NCAPH2: variants seen among roughly 807,000 people sequenced by gnomAD.
The protein encoded by NCAPH2 is condensin-2 complex subunit H2.
In NCAPH2, 56 loss-of-function variants were observed where a neutral mutation model predicts 88.6. The observed-to-expected ratio is 0.63, with a 90% CI of 0.51 to 0.79. The LOEUF is 0.79. NCAPH2 is among the 30% of genes least tolerant of loss of function. NCAPH2 has a pLI of 0.00. For synonymous variants in NCAPH2, 378 were observed against 313.6 expected (o/e 1.21, Z -2.17); for missense variants, 794 against 792.0 (o/e 1.00, Z -0.03).
chr22:50,516,095 T>G (rs1437855197), intron 1 of NCAPH2, among the ~76,000 whole-genome samples: 1 of 152,180 alleles, frequency 6.6e-6, no homozygotes, highest in Non-Finnish European at 1.5e-5. Context: ...TCTCTGCCTT[T>G]CCTACCCCTG....
intron 1 of NCAPH2, among the ~76,000 whole-genome samples, chr22:50,512,746 G>C (rs534799266): frequency 6.6e-6 from 1 of 151,912 alleles, no homozygotes; most frequent in South Asian, 2.1e-4. Flanking sequence ...GGGTGTCACT[G>C]TGTTGCCCAG....
chr22:50,519,074 C>G, intron 8 of NCAPH2, 116 bp from the exon 9 acceptor site: 1 of 1,064,630 alleles, frequency 9.4e-7, no homozygotes, highest in Non-Finnish European at 1.3e-6. Flanking sequence ...AGGCACCCGC[C>G]AAATCCTCTG....
chr22:50,517,840 G>T, intron 5 of NCAPH2, 31 bp downstream of exon 5: 2 of 1,611,888 alleles, frequency 1.2e-6, no homozygotes, highest in Non-Finnish European at 8.5e-7. Flanking sequence ...TCTTAGGCTG[G>T]GGTGAGGTCA....
chr22:50,511,647 A>AT (rs131821), intron 1 of NCAPH2, among the ~76,000 whole-genome samples: 38,689 of 127,552 alleles, frequency 0.3, 6,997 homozygotes, highest in Non-Finnish European at 0.38. Flanking sequence ...CGCCTGGCTA[A>AT]TTTTTTTTTT....
rs1013099927 is a variant in NCAPH2, at chr22:50,516,509, G to A, written c.171G>A (p.Ala57=). 2.5e-6 allele frequency: 4 copies of A among 1,614,080 alleles called. No homozygotes were observed. The highest frequency in any genetic ancestry group is 2.2e-5 in the South Asian group (2 of 91,086). ...CCACAATGAACTTCATTGAGGCAGC[G>A]TTGTTGATCCAGGGCTCTGCCTGCG... ...GKTTMNFIEA[A]LLIQGSACVY... Residue 57 remains alanine (A), a synonymous_variant, in exon 2 of 20, where the codon GCG becomes GCA. Coordinates refer to ENST00000420993, the MANE Select transcript of NCAPH2 (RefSeq NM_152299.4).
rs1292947887 is a variant in NCAPH2 at position 50,522,270 on chromosome 22, G to C, written c.1233+19G>C. The C allele has an allele frequency of 1.2e-6, 2 of 1,612,488 alleles. No individual in the cohort carries two copies. Among genetic ancestry groups the C allele is most frequent in the South Asian group, 2.2e-5 (2 of 90,818 alleles). ...GAGGGAGGCAAGTCCCAGCTGGTCA[G>C]CTGTGATCTAGGACCCCGTGGTGGC... On this transcript the variant is annotated intron_variant, in intron 14 of 19. Coordinates refer to ENST00000420993, the MANE Select transcript of NCAPH2 (RefSeq NM_152299.4).
Position 50,517,670 on chromosome 22 carries a change from C to T in NCAPH2, c.351+9C>T, listed in dbSNP as rs1174552506. The T allele has an allele frequency of 1.9e-6, 3 of 1,614,152 alleles. No individual in the cohort carries two copies. Among genetic ancestry groups the T allele is most frequent in the Non-Finnish European group, 2.5e-6 (3 of 1,180,028 alleles). On this transcript the variant is annotated intron_variant, in intron 4 of 19. Transcript: ENST00000420993. ...AGGAGGCAGAGAATGAGGTGAGTTT[C>T]TTTGGCATGTGGTCCCCGCCCACTG...
rs1478330729 is a variant in NCAPH2 at position 50,524,488 on chromosome 22, C to A, written c.*1113C>A. 2.0e-6 allele frequency: 3 copies of A among 1,492,858 alleles called. No individual in the cohort carries two copies. Among genetic ancestry groups the A allele is most frequent in the Non-Finnish European group, 2.8e-6 (3 of 1,084,162 alleles). 92.5% of individuals were successfully genotyped at this position (1,492,858 alleles called of 1,614,324 possible). ...GCCCAGGACAGTGCCTGGGCTGCCC[C>A]TGCGACTTGAGACCAGCCACCCATC... On this transcript the variant is annotated 3_prime_UTR_variant, in exon 20 of 20. Transcript: ENST00000420993.
chr22:50,512,748 G>T (rs1429835540), intron 1 of NCAPH2, among the ~76,000 whole-genome samples: 5 of 152,014 alleles, frequency 3.3e-5, no homozygotes, highest in African/African-American at 1.2e-4. Flanking sequence ...GTGTCACTGT[G>T]TTGCCCAGGC....
chr22:50,511,307 T>TTTTTTTTTTTG (rs1245636441), intron 1 of NCAPH2, among the ~76,000 whole-genome samples: 1 of 145,160 alleles, frequency 6.9e-6, no homozygotes, highest in African/African-American at 2.7e-5. Context: ...TTTTTTTTTT[T>TTTTTTTTTTTG]GAGACGGAGT....
At chr22:50,519,604 C>A in intron 9 of NCAPH2, 1 of 1,228,050 alleles carries the variant, frequency 8.1e-7, no homozygotes, top group Non-Finnish European at 1.0e-6. Context: ...GGGATGGCCG[C>A]CGGTTGCCAA....
rs748495941 is a variant in NCAPH2 at position 50,524,665 on chromosome 22, C to CCCTGCA, written c.*1300_*1305dup. On this transcript the variant is annotated 3_prime_UTR_variant, in exon 20 of 20. Coordinates refer to ENST00000420993, the MANE Select transcript of NCAPH2 (RefSeq NM_152299.4). ...ATCACCAGCCTGTCACCGCACCCTG[C>CCCTGCA]CCTGCACCTGCACCTCAGCAAGGTG... 62 of 688,712 alleles carry CCCTGCA rather than the reference C, an allele frequency of 9.0e-5. No individual in the cohort carries two copies. Among genetic ancestry groups the CCCTGCA allele is most frequent in the Non-Finnish European group, 1.4e-4 (52 of 366,880 alleles). The allele number at this position is 688,712 out of a possible 1,614,324, so 42.7% of individuals were successfully genotyped here. A position where few individuals can be genotyped will look rare whatever the true frequency, so the allele number is the denominator to read the frequency against.
At position 50,524,310 on chromosome 22, in the gene NCAPH2, C is replaced by G; in HGVS notation, c.*935C>G. ...GGCCCTGCCTTGACAAAAGCCAGGA[C>G]CTCAGATGCAGGGCCTGGCCTCCCA... On this transcript the variant is annotated 3_prime_UTR_variant, in exon 20 of 20. Coordinates refer to ENST00000420993, the MANE Select transcript of NCAPH2 (RefSeq NM_152299.4). 1 of 1,602,384 alleles carries G rather than the reference C, an allele frequency of 6.2e-7. No individual in the cohort carries two copies. The highest frequency in any genetic ancestry group is 8.5e-7 in the Non-Finnish European group (1 of 1,179,884).
At position 50,523,970 on chromosome 22, in the gene NCAPH2, C is replaced by A. The variant is rs1569521528; in HGVS notation, c.*595C>A. On this transcript the variant is annotated 3_prime_UTR_variant, in exon 20 of 20. Coordinates refer to ENST00000420993, the MANE Select transcript of NCAPH2 (RefSeq NM_152299.4). Reference sequence around the variant, plus strand: ...CCAGGCTCTGCTTCCAGCTGCCGCACCACCTGCACCAGCTTCTCCAGCTCG... The same window carrying A: ...CCAGGCTCTGCTTCCAGCTGCCGCAACACCTGCACCAGCTTCTCCAGCTCG... 1 of 1,612,502 alleles carries A rather than the reference C, an allele frequency of 6.2e-7. No individual in the cohort carries two copies. The highest frequency in any genetic ancestry group is 8.5e-7 in the Non-Finnish European group (1 of 1,179,020).
Position 50,524,754 on chromosome 22 carries a change from T to C in NCAPH2, c.*1379T>C. ...TGCCTGAACTAACCACGTTATCTAT[T>C]TGCAATAAACCCATTTCTTAAAAGG... On this transcript the variant is annotated 3_prime_UTR_variant, in exon 20 of 20. Coordinates refer to ENST00000420993, the MANE Select transcript of NCAPH2 (RefSeq NM_152299.4). 2.0e-6 allele frequency: 1 copy of C among 500,930 alleles called. No homozygotes were observed. Among genetic ancestry groups the C allele is most frequent in the Admixed American group, 2.4e-5 (1 of 42,356 alleles). The allele number at this position is 500,930 out of a possible 1,614,324, so 31.0% of individuals were successfully genotyped here. A position where few individuals can be genotyped will look rare whatever the true frequency, so the allele number is the denominator to read the frequency against.
At position 50,524,303 on chromosome 22, in the gene NCAPH2, G is replaced by C; in HGVS notation, c.*928G>C. 1.9e-6 allele frequency: 3 copies of C among 1,602,648 alleles called. No homozygotes were observed. The highest frequency in any genetic ancestry group is 2.5e-6 in the Non-Finnish European group (3 of 1,179,866). ...TCTGCAGGGCCCTGCCTTGACAAAA[G>C]CCAGGACCTCAGATGCAGGGCCTGG... On this transcript the variant is annotated 3_prime_UTR_variant, in exon 20 of 20. Transcript: ENST00000420993.
At chr22:50,513,566 C>A (rs1054542659) in intron 1 of NCAPH2, among the ~76,000 whole-genome samples, 1 of 152,214 alleles carries the variant, frequency 6.6e-6, no homozygotes, top group Non-Finnish European at 1.5e-5. Flanking sequence ...CGAGATGAGT[C>A]TGACCAGCAT....
intron 8 of NCAPH2, 60 bp downstream of exon 8, chr22:50,518,792 A>T (rs1320334939): frequency 6.7e-7 from 1 of 1,488,160 alleles, no homozygotes; most frequent in Admixed American, 2.0e-5. Context: ...CCAGGGAGGC[A>T]GCACCCAGTG....
Position 50,523,406 on chromosome 22 carries a change from T to C in NCAPH2, c.*31T>C, listed in dbSNP as rs1412957736. ...GAGCACCGAGGCAGGGGTGGGGGAA[T>C]GTGTACTGAGGAGCCGTGTGTCTGC... On this transcript the variant is annotated 3_prime_UTR_variant, in exon 20 of 20. Coordinates refer to ENST00000420993, the MANE Select transcript of NCAPH2 (RefSeq NM_152299.4). 16 of 1,530,926 alleles carry C rather than the reference T, an allele frequency of 1.0e-5. No homozygotes were observed. Among genetic ancestry groups the C allele is most frequent in the East Asian group, 2.5e-5 (1 of 40,738 alleles). 94.8% of individuals were successfully genotyped at this position (1,530,926 alleles called of 1,614,324 possible).
Sources: allele counts gnomAD v4.1 joint callset (sites outside exome capture counted in the v4.1 genomes callset), GRCh38; gene constraint gnomAD v4.1.1; transcripts MANE v1.5; gene names NCBI Gene and HGNC (gene_info 2026-07-23, HGNC 2026-07-21).